The following MACROD2 variants were observed in gnomAD, a reference collection of about 807,000 sequenced individuals.
MACROD2 encodes the protein ADP-ribose glycohydrolase MACROD2.
MACROD2 carries 36 observed loss-of-function variants against 70.4 expected under a neutral mutation model. That is an observed-to-expected ratio of 0.51 (90% CI 0.39 to 0.68). The LOEUF (loss-of-function observed/expected upper bound fraction) is 0.68, where lower values mean the gene tolerates loss of function less well. Among genes scored for constraint, MACROD2 ranks in the 30% least tolerant of loss-of-function variants. The probability of loss-of-function intolerance (pLI) is 0.00; values close to 1 mark genes in which losing one functional copy is unlikely to be tolerated. For missense variants in MACROD2, 496 were observed against 538.4 expected (o/e 0.92, Z 0.78); for synonymous variants, 172 against 178.8 (o/e 0.96, Z 0.30).
chr20:15,610,398 G>A (rs6043390), intron 8 of MACROD2, among the ~76,000 whole-genome samples: 5,197 of 152,256 alleles, frequency 0.034, 136 homozygotes, highest in Non-Finnish European at 0.048. Flanking sequence ...TTCTCTTCTA[G>A]CTTCTGATGG....
intron 7 of MACROD2, among the ~76,000 whole-genome samples, chr20:15,496,336 A>G (rs978815557): frequency 1.3e-5 from 2 of 152,254 alleles, no homozygotes; most frequent in Non-Finnish European, 2.9e-5. Context: ...GAGCGGGTCA[A>G]TGGACTGGCT....
chr20:14,069,478 C>T (rs2053810800), intron 2 of MACROD2, among the ~76,000 whole-genome samples: 1 of 151,588 alleles, frequency 6.6e-6, no homozygotes, highest in Non-Finnish European at 1.5e-5. Context: ...TGGCCTCCCT[C>T]AGTTATGTTG....
chr20:14,175,214 T>G (rs1423459871), intron 3 of MACROD2, among the ~76,000 whole-genome samples: 2 of 152,190 alleles, frequency 1.3e-5, no homozygotes, highest in Admixed American at 1.3e-4. Context: ...ATCTGTCATT[T>G]TTTCCCACAT....
chr20:15,051,301 C>T (rs2075437950), intron 5 of MACROD2, among the ~76,000 whole-genome samples: 1 of 150,644 alleles, frequency 6.6e-6, no homozygotes, highest in Non-Finnish European at 1.5e-5. Context: ...AGTTAGGGTT[C>T]ACAGAGTAGT....
rs571119380 is a variant in MACROD2, at chr20:14,230,650, T to A, written c.271+144922T>A. On this transcript the variant is annotated intron_variant, in intron 3 of 17. Coordinates refer to ENST00000684519, the MANE Select transcript of MACROD2 (RefSeq NM_001351661.2). ...TCATGTTTATATATATATATATATA[T>A]ATATAACACAGGCTGGGCCTATATA... 3.2e-3 allele frequency among the ~76,000 whole-genome samples: 83 copies of A among 26,344 alleles called. 5 individuals carry two copies. The East Asian group carries it at 0.086, about 27-fold the overall frequency. The allele number at this position is 26,344 out of a possible 152,430, so 17.3% of individuals were successfully genotyped here.
intron 8 of MACROD2, among the ~76,000 whole-genome samples, chr20:15,677,755 A>T (rs1454151017): frequency 3.9e-5 from 6 of 152,026 alleles, no homozygotes; most frequent in African/African-American, 1.4e-4. Context: ...AAACTTTGAG[A>T]TTTTCGTTTT....
At chr20:15,790,355 G>A (rs945587081) in intron 8 of MACROD2, among the ~76,000 whole-genome samples, 17 of 151,558 alleles carry the variant, frequency 1.1e-4, no homozygotes, top group African/African-American at 3.1e-4. Context: ...TACTATCCCC[G>A]CCATTAAAAT....
At chr20:15,670,741 A>G (rs1483595309) in intron 8 of MACROD2, among the ~76,000 whole-genome samples, 4 of 152,214 alleles carry the variant, frequency 2.6e-5, no homozygotes. Context: ...AATATATTGA[A>G]TATCATATTC....
At chr20:14,844,141 T>G (rs1178785710) in intron 5 of MACROD2, among the ~76,000 whole-genome samples, 1 of 152,030 alleles carries the variant, frequency 6.6e-6, no homozygotes, top group Non-Finnish European at 1.5e-5. Context: ...TAAAAATATC[T>G]CTCCTGCCAT....
At chr20:14,270,461 T>C (rs2014168) in intron 3 of MACROD2, among the ~76,000 whole-genome samples, 98,276 of 151,382 alleles carry the variant, frequency 0.65, 33,099 homozygotes, top group Non-Finnish European at 0.75. Context: ...TGGTGGTGCA[T>C]GCCTGTAGTC....
At chr20:15,320,367 C>T (rs1003350470) in intron 6 of MACROD2, among the ~76,000 whole-genome samples, 3 of 152,268 alleles carry the variant, frequency 2.0e-5, no homozygotes, top group South Asian at 2.1e-4. Context: ...GTATACTAAA[C>T]GCCATTGAAT....
intron 5 of MACROD2, among the ~76,000 whole-genome samples, chr20:15,041,097 T>G (rs2075352811): frequency 6.6e-6 from 1 of 152,202 alleles, no homozygotes; most frequent in African/African-American, 2.4e-5. Context: ...TGAGCTGTAT[T>G]TACTCACTTC....
At chr20:14,161,577 T>G (rs1406837292) in intron 3 of MACROD2, among the ~76,000 whole-genome samples, 1 of 147,820 alleles carries the variant, frequency 6.8e-6, no homozygotes, top group African/African-American at 2.5e-5. Flanking sequence ...ACCCTTTGGT[T>G]TTTTTTTTTT....
At chr20:15,921,581 T>C (rs1366747927) in intron 10 of MACROD2, among the ~76,000 whole-genome samples, 1 of 152,236 alleles carries the variant, frequency 6.6e-6, no homozygotes, top group Non-Finnish European at 1.5e-5. Flanking sequence ...ATGCCACTTC[T>C]ACAGGGAAGC....
chr20:14,708,393 T>G (rs897067926), intron 5 of MACROD2, among the ~76,000 whole-genome samples: 1 of 152,144 alleles, frequency 6.6e-6, no homozygotes, highest in Non-Finnish European at 1.5e-5. Context: ...GTGTCTGTGT[T>G]CCAATAAAAC....
intron 8 of MACROD2, among the ~76,000 whole-genome samples, chr20:15,599,998 A>T (rs1048439707): frequency 6.6e-6 from 1 of 152,134 alleles, no homozygotes; most frequent in Non-Finnish European, 1.5e-5. Flanking sequence ...AGATGATGAG[A>T]AAAGAGGAAG....
At chr20:15,188,722 CTTTA>C (rs894319139) in intron 5 of MACROD2, among the ~76,000 whole-genome samples, 16 of 152,170 alleles carry the variant, frequency 1.1e-4, no homozygotes, top group Non-Finnish European at 5.9e-5. Flanking sequence ...ATGACAATGA[CTTTA>C]TTTATAAGGC....
At chr20:14,689,438 G>T (rs892458061) in intron 5 of MACROD2, among the ~76,000 whole-genome samples, 2 of 152,166 alleles carry the variant, frequency 1.3e-5, no homozygotes, top group South Asian at 2.1e-4. Context: ...GGGTTCAAAA[G>T]ATATTTGATG....
At chr20:14,072,919 G>GC (rs903933750) in intron 2 of MACROD2, among the ~76,000 whole-genome samples, 9 of 148,306 alleles carry the variant, frequency 6.1e-5, no homozygotes, top group African/African-American at 2.2e-4. Flanking sequence ...GGGCGACAGA[G>GC]CGAGACTCCG....
Sources: gnomAD v4.1 joint callset for allele counts (sites outside exome capture counted in the v4.1 genomes callset) on GRCh38, gnomAD v4.1.1 for gene constraint, MANE v1.5 for transcripts, NCBI Gene and HGNC (gene_info 2026-07-23, HGNC 2026-07-21) for gene names.